Variants in SLC41A2 observed in about 807,000 individuals in gnomAD.
SLC41A2 encodes the protein solute carrier family 41 member 2.
In SLC41A2, 32 loss-of-function variants were observed where a neutral mutation model predicts 58.3. That is an observed-to-expected ratio of 0.55 (90% CI 0.41 to 0.74). The LOEUF is 0.74. Among genes scored for constraint, SLC41A2 ranks in the 30% least tolerant of loss-of-function variants. The pLI is 0.00. For synonymous variants in SLC41A2, 190 were observed against 235.0 expected, an observed-to-expected ratio of 0.81 and a Z score of 1.75; for missense variants, 514 against 680.6, an observed-to-expected ratio of 0.76 and a Z score of 2.72.
intron 3 of SLC41A2, among the ~76,000 whole-genome samples, chr12:104,901,716 A>T (rs2045573575): frequency 6.6e-6 from 1 of 151,936 alleles, no homozygotes; most frequent in African/African-American, 2.4e-5. Context: ...AGCCCAGCTA[A>T]TTTTTTTATT....
intron 10 of SLC41A2, among the ~76,000 whole-genome samples, chr12:104,819,420 T>C (rs1481979635): frequency 6.6e-6 from 1 of 152,168 alleles, no homozygotes; most frequent in Non-Finnish European, 1.5e-5. Context: ...AAATGAGCTA[T>C]GTATTTATAT....
At chr12:104,890,945 A>T (rs1269047497) in intron 4 of SLC41A2, among the ~76,000 whole-genome samples, 1 of 151,138 alleles carries the variant, frequency 6.6e-6, no homozygotes, top group Non-Finnish European at 1.5e-5. Context: ...CTCTCTTTCT[A>T]CCCTCCATGG....
At chr12:104,957,362 G>T (rs903908463) in intron 1 of SLC41A2, among the ~76,000 whole-genome samples, 1 of 152,180 alleles carries the variant, frequency 6.6e-6, no homozygotes, top group Non-Finnish European at 1.5e-5. Flanking sequence ...GTGGTGGCTA[G>T]TGGGGTGGGG....
At chr12:104,874,857 T>C (rs2043972811) in intron 6 of SLC41A2, among the ~76,000 whole-genome samples, 2 of 152,212 alleles carry the variant, frequency 1.3e-5, no homozygotes, top group Admixed American at 6.5e-5. Context: ...ATTTTAGAAT[T>C]CTTTTTTCTA....
At chr12:104,952,244 C>T (rs1041501666) in intron 1 of SLC41A2, among the ~76,000 whole-genome samples, 1 of 152,134 alleles carries the variant, frequency 6.6e-6, no homozygotes, top group Admixed American at 6.5e-5. Flanking sequence ...CGAAGATTTG[C>T]TTAGTCTCTA....
chr12:104,861,139 T>C, intron 8 of SLC41A2, 152 bp downstream of exon 8: 1 of 489,670 alleles, frequency 2.0e-6, no homozygotes, highest in Non-Finnish European at 3.7e-6. Context: ...AATGTAATTT[T>C]CACTGTGAGC....
chr12:104,873,435 A>T (rs1351598177), intron 6 of SLC41A2, among the ~76,000 whole-genome samples: 1 of 152,236 alleles, frequency 6.6e-6, no homozygotes, highest in Admixed American at 6.5e-5. Context: ...TCCATCAGGA[A>T]CATTTAGGTT....
intron 2 of SLC41A2, among the ~76,000 whole-genome samples, chr12:104,916,069 C>T (rs2046306216): frequency 1.3e-5 from 2 of 152,118 alleles, no homozygotes; most frequent in African/African-American, 2.4e-5. Flanking sequence ...TGCTGGATTA[C>T]ATTTATTGAT....
chr12:104,864,744 A>AT (rs1419140312), intron 7 of SLC41A2, among the ~76,000 whole-genome samples: 3 of 151,912 alleles, frequency 2.0e-5, no homozygotes, highest in Non-Finnish European at 4.4e-5. Flanking sequence ...CCATTTATGT[A>AT]TTTTTTTAAT....
intron 1 of SLC41A2, among the ~76,000 whole-genome samples, chr12:104,933,193 A>C (rs1219584636): frequency 6.6e-6 from 1 of 152,184 alleles, no homozygotes; most frequent in African/African-American, 2.4e-5. Context: ...AAAAAAACAA[A>C]TGATCCCATC....
intron 5 of SLC41A2, 66 bp downstream of exon 5, chr12:104,888,967 T>C: frequency 7.8e-6 from 11 of 1,413,584 alleles, no homozygotes; most frequent in Non-Finnish European, 1.0e-5. Context: ...ATAAAAATAG[T>C]CATCTTAAGA....
intron 3 of SLC41A2, among the ~76,000 whole-genome samples, chr12:104,902,863 C>T (rs1292549628): frequency 2.0e-5 from 3 of 152,134 alleles, no homozygotes; most frequent in Non-Finnish European, 4.4e-5. Context: ...CTGAAATAAA[C>T]CCAAAACTTC....
chr12:104,898,735 A>G (rs2135720591), intron 3 of SLC41A2, among the ~76,000 whole-genome samples: 1 of 152,300 alleles, frequency 6.6e-6, no homozygotes, highest in South Asian at 2.1e-4. Flanking sequence ...CAAAAGAAAT[A>G]TCTAATAAAG....
chr12:104,909,849 T>C, intron 2 of SLC41A2, 87 bp from the exon 3 acceptor site: 1 of 897,752 alleles, frequency 1.1e-6, no homozygotes, highest in Non-Finnish European at 1.7e-6. Flanking sequence ...CTCAGCCTTT[T>C]TCCCAACTTG....
At chr12:104,933,661 G>T (rs191739134) in intron 1 of SLC41A2, among the ~76,000 whole-genome samples, 1 of 150,766 alleles carries the variant, frequency 6.6e-6, no homozygotes, top group East Asian at 2.0e-4. Flanking sequence ...TGAATTAGAG[G>T]ATAAAGAAAA....
intron 1 of SLC41A2, among the ~76,000 whole-genome samples, chr12:104,949,646 C>T (rs1026108529): frequency 2.1e-4 from 32 of 152,280 alleles, no homozygotes; most frequent in African/African-American, 7.2e-4. Context: ...TGCAATGGCA[C>T]GATCTCAGCT....
intron 10 of SLC41A2, among the ~76,000 whole-genome samples, chr12:104,815,297 C>T (rs1197402917): frequency 1.3e-5 from 2 of 152,142 alleles, no homozygotes; most frequent in Non-Finnish European, 2.9e-5. Flanking sequence ...GCACACTGAA[C>T]ACACCAAGGG....
chr12:104,901,194 C>CT (rs550346071), intron 3 of SLC41A2, among the ~76,000 whole-genome samples: 41 of 147,254 alleles, frequency 2.8e-4, no homozygotes, highest in African/African-American at 5.0e-4. Flanking sequence ...GTTTTACAAA[C>CT]TTTTTTTTTT....
chr12:104,943,641 A>G (rs1026198073), intron 1 of SLC41A2, among the ~76,000 whole-genome samples: 5 of 152,122 alleles, frequency 3.3e-5, no homozygotes, highest in Non-Finnish European at 4.4e-5. Flanking sequence ...TTATGCCCCA[A>G]TTCAGCAGGA....
Sources: gnomAD v4.1 joint callset for allele counts (sites outside exome capture counted in the v4.1 genomes callset) on GRCh38, gnomAD v4.1.1 for gene constraint, MANE v1.5 for transcripts, NCBI Gene and HGNC (gene_info 2026-07-23, HGNC 2026-07-21) for gene names.